Variants in PARD3 observed in about 807,000 individuals in gnomAD.
PARD3 encodes par-3 family cell polarity regulator, also known as partitioning defective 3 homolog.
In PARD3, 75 loss-of-function variants were observed where a neutral mutation model predicts 155.4. The observed-to-expected ratio is 0.48, with a 90% CI of 0.40 to 0.58. The LOEUF is 0.58. Among genes scored for constraint, PARD3 ranks in the 20% least tolerant of loss-of-function variants. PARD3 has a pLI of 0.00. For missense variants in PARD3, 1,642 were observed against 1,721.7 expected (o/e 0.95, Z 0.82); for synonymous variants, 576 against 610.5 (o/e 0.94, Z 0.83).
intron 19 of PARD3, among the ~76,000 whole-genome samples, chr10:34,319,797 C>A (rs189180013): frequency 3.3e-5 from 5 of 152,252 alleles, no homozygotes; most frequent in Admixed American, 1.3e-4. Flanking sequence ...GCTTGTGAAC[C>A]AGTACTTCAG....
At chr10:34,145,408 TTC>T (rs1948460961) in intron 22 of PARD3, among the ~76,000 whole-genome samples, 1 of 151,260 alleles carries the variant, frequency 6.6e-6, no homozygotes, top group Non-Finnish European at 1.5e-5. Context: ...ATTATCTCTG[TTC>T]TCTCTTTCTA....
At chr10:34,446,779 A>G (rs2076760573) in intron 5 of PARD3, among the ~76,000 whole-genome samples, 1 of 152,208 alleles carries the variant, frequency 6.6e-6, no homozygotes, top group African/African-American at 2.4e-5. Flanking sequence ...CACGGTGTGC[A>G]AGGCAAGCTG....
At chr10:34,508,808 T>A (rs2081235072) in intron 3 of PARD3, among the ~76,000 whole-genome samples, 1 of 152,208 alleles carries the variant, frequency 6.6e-6, no homozygotes, top group African/African-American at 2.4e-5. Flanking sequence ...CGTCTCAACC[T>A]CTTTACACAT....
At chr10:34,523,429 A>G (rs553434744) in intron 2 of PARD3, among the ~76,000 whole-genome samples, 5 of 152,248 alleles carry the variant, frequency 3.3e-5, no homozygotes, top group African/African-American at 4.8e-5. Flanking sequence ...ATAAAGACTT[A>G]TAATTCTTTT....
At chr10:34,589,508 T>C (rs2088444762) in intron 2 of PARD3, among the ~76,000 whole-genome samples, 1 of 151,946 alleles carries the variant, frequency 6.6e-6, no homozygotes, top group East Asian at 1.9e-4. Context: ...AAAATGACCA[T>C]CTGCCGACAC....
chr10:34,547,926 G>C lies in PARD3; in HGVS notation c.223-30767C>G, dbSNP rs527598322. On this transcript the variant is annotated intron_variant, in intron 2 of 24. Transcript: ENST00000374788. ...TCCCCATGATGTCATAAATATTGTT[G>C]CACATCAATGGGCTCTAAAAGCTAA... is the stretch of plus-strand genomic sequence containing the variant. Among the ~76,000 whole-genome samples the C allele has an allele frequency of 9.2e-5, 14 of 152,236 alleles. No homozygotes were observed. The East Asian group carries it at 2.7e-3, about 29-fold the overall frequency.
intron 5 of PARD3, among the ~76,000 whole-genome samples, chr10:34,438,258 T>TA (rs1374482026): frequency 6.6e-6 from 1 of 152,212 alleles, no homozygotes; most frequent in African/African-American, 2.4e-5. Flanking sequence ...TATCAAGATT[T>TA]AAAAAAATAG....
At position 34,384,228 on chromosome 10, in the gene PARD3, A is replaced by C; in HGVS notation, c.917T>G (p.Leu306Trp). ...ATGTTCAGCTTTACCACCTTTCTCC[A>C]ATCGTTTTACTAATAACCCCAGGGT... ...GRTLGLLVKR[L>W]EKGGKAEHEN... The change falls in exon 8 of 25, where the codon TTG (leucine) becomes TGG (tryptophan). Residue 306 changes from leucine to tryptophan, a missense_variant. Leu to Trp is a moderately conservative substitution (Grantham distance 61). Coordinates refer to ENST00000374788, the MANE Select transcript of PARD3 (RefSeq NM_001184785.2). 2 of 1,613,726 alleles carry C rather than the reference A, an allele frequency of 1.2e-6. No individual in the cohort carries two copies. Among genetic ancestry groups the C allele is most frequent in the Non-Finnish European group, 1.7e-6 (2 of 1,179,838 alleles).
chr10:34,590,246 CT>C (rs1011592056), intron 2 of PARD3, among the ~76,000 whole-genome samples: 6 of 152,182 alleles, frequency 3.9e-5, no homozygotes, highest in African/African-American at 1.2e-4. Flanking sequence ...CAACGTCCCC[CT>C]GATGCCCTGC....
At chr10:34,683,823 T>C (rs1178575371) in intron 2 of PARD3, among the ~76,000 whole-genome samples, 1 of 152,210 alleles carries the variant, frequency 6.6e-6, no homozygotes, top group Non-Finnish European at 1.5e-5. Context: ...CTCACTGCTC[T>C]ACCTGTACCA....
intron 15 of PARD3, among the ~76,000 whole-genome samples, chr10:34,347,163 G>GT (rs1337673848): frequency 2.0e-5 from 3 of 152,218 alleles, no homozygotes; most frequent in Non-Finnish European, 4.4e-5. Context: ...AAATATACCA[G>GT]TAATAAAAGT....
chr10:34,134,754 T>C (rs1264213622), intron 22 of PARD3, among the ~76,000 whole-genome samples: 1 of 152,190 alleles, frequency 6.6e-6, no homozygotes, highest in Non-Finnish European at 1.5e-5. Context: ...GTTTTCATGA[T>C]GGATGATGAT....
intron 14 of PARD3, among the ~76,000 whole-genome samples, chr10:34,357,486 A>G (rs1839007670): frequency 6.6e-6 from 1 of 152,216 alleles, no homozygotes; most frequent in Admixed American, 6.5e-5. Flanking sequence ...AAAAAGGCCT[A>G]AAAGAGAATG....
intron 4 of PARD3, among the ~76,000 whole-genome samples, chr10:34,461,084 A>T (rs1242262699): frequency 6.6e-6 from 1 of 152,204 alleles, no homozygotes; most frequent in Non-Finnish European, 1.5e-5. Context: ...TGACTGGAAC[A>T]CATTTCTCCA....
At chr10:34,622,762 T>C (rs189535961) in intron 2 of PARD3, among the ~76,000 whole-genome samples, 13 of 151,838 alleles carry the variant, frequency 8.6e-5, no homozygotes, top group African/African-American at 2.9e-4. Flanking sequence ...CGAACAGTAA[T>C]AGAGGTGTCT....
At chr10:34,329,984 C>T (rs770205217) in intron 19 of PARD3, among the ~76,000 whole-genome samples, 7 of 152,024 alleles carry the variant, frequency 4.6e-5, no homozygotes, top group South Asian at 2.1e-4. Context: ...CTTCTTCCCA[C>T]GAAAGTCTTT....
intron 2 of PARD3, among the ~76,000 whole-genome samples, chr10:34,565,071 C>A (rs1458885609): frequency 6.6e-6 from 1 of 151,544 alleles, no homozygotes; most frequent in Non-Finnish European, 1.5e-5. Context: ...CTGAGCAATA[C>A]TGTCTATAAA....
At chr10:34,743,637 A>C (rs1016576075) in intron 1 of PARD3, among the ~76,000 whole-genome samples, 5 of 152,240 alleles carry the variant, frequency 3.3e-5, no homozygotes, top group Admixed American at 3.3e-4. Context: ...TTCTCGAGCC[A>C]CAAAGACATC....
intron 21 of PARD3, among the ~76,000 whole-genome samples, chr10:34,278,925 A>G (rs547824290): frequency 6.6e-6 from 1 of 152,122 alleles, no homozygotes. Flanking sequence ...ACAGATACTC[A>G]CTCAAGTAAT....
Sources: gnomAD v4.1 joint callset for allele counts (sites outside exome capture counted in the v4.1 genomes callset) on GRCh38, gnomAD v4.1.1 for gene constraint, MANE v1.5 for transcripts, NCBI Gene and HGNC (gene_info 2026-07-23, HGNC 2026-07-21) for gene names.